The following NEDD4L variants were observed in gnomAD, a reference collection of about 807,000 sequenced individuals.
NEDD4L encodes the protein NEDD4 like E3 ubiquitin protein ligase.
In NEDD4L, 54 loss-of-function variants were observed where a neutral mutation model predicts 148.9. The observed-to-expected ratio is 0.36, with a 90% CI of 0.29 to 0.45. The LOEUF is 0.45. Among genes scored for constraint, NEDD4L ranks in the 20% least tolerant of loss-of-function variants. NEDD4L has a pLI of 1.00. For missense variants in NEDD4L, 856 were observed against 1,233.8 expected, an observed-to-expected ratio of 0.69 and a Z score of 4.59; for synonymous variants, 433 against 440.7, an observed-to-expected ratio of 0.98 and a Z score of 0.22.
intron 5 of NEDD4L, among the ~76,000 whole-genome samples, chr18:58,285,639 A>G (rs941064911): frequency 2.6e-5 from 4 of 152,262 alleles, no homozygotes; most frequent in African/African-American, 9.6e-5. Flanking sequence ...TAATCAAGGC[A>G]GCTTGAAACC....
chr18:58,176,857 T>TAAC (rs1459437517), intron 2 of NEDD4L, among the ~76,000 whole-genome samples: 2 of 152,232 alleles, frequency 1.3e-5, no homozygotes, highest in African/African-American at 4.8e-5. Flanking sequence ...ACTGAGTCTG[T>TAAC]AGGGCAGAGA....
At chr18:58,194,279 G>A (rs1490240537) in intron 2 of NEDD4L, among the ~76,000 whole-genome samples, 4 of 152,266 alleles carry the variant, frequency 2.6e-5, no homozygotes, top group South Asian at 4.1e-4. Context: ...ATGGTGATGC[G>A]GCCTCTTGGC....
At chr18:58,075,607 A>T (rs1206564140) in intron 1 of NEDD4L, among the ~76,000 whole-genome samples, 1 of 152,264 alleles carries the variant, frequency 6.6e-6, no homozygotes, top group African/African-American at 2.4e-5. Context: ...GAGCCACTGC[A>T]TCTAGCTGGG....
At chr18:58,376,837 CTG>C (rs1389836778) in intron 24 of NEDD4L, among the ~76,000 whole-genome samples, 1 of 152,244 alleles carries the variant, frequency 6.6e-6, no homozygotes, top group Non-Finnish European at 1.5e-5. Context: ...TCCAGACTCA[CTG>C]TGAATCACAG....
chr18:58,186,881 A>C (rs753731290), intron 2 of NEDD4L, among the ~76,000 whole-genome samples: 3 of 152,184 alleles, frequency 2.0e-5, no homozygotes, highest in Non-Finnish European at 2.9e-5. Context: ...ATTGGAATGA[A>C]AGCCAGAGCT....
intron 16 of NEDD4L, among the ~76,000 whole-genome samples, chr18:58,349,017 C>T (rs549015056): frequency 3.3e-5 from 5 of 152,274 alleles, no homozygotes; most frequent in South Asian, 4.1e-4. Context: ...GGAGTAGCCA[C>T]GTGACTTCAC....
intron 18 of NEDD4L, 138 bp downstream of exon 18, chr18:58,351,183 A>AT: frequency 6.6e-7 from 1 of 1,504,794 alleles, no homozygotes; most frequent in Non-Finnish European, 8.9e-7. Flanking sequence ...ATACCAGAGA[A>AT]TCAGTGCCTT....
At chr18:58,272,875 T>C (rs1568537527) in intron 5 of NEDD4L, among the ~76,000 whole-genome samples, 1 of 152,110 alleles carries the variant, frequency 6.6e-6, no homozygotes, top group Non-Finnish European at 1.5e-5. Context: ...TTTTCATGAA[T>C]GGTAGAGACA....
chr18:58,130,764 G>A (rs978991367), intron 1 of NEDD4L, among the ~76,000 whole-genome samples: 2 of 140,942 alleles, frequency 1.4e-5, no homozygotes, highest in African/African-American at 2.7e-5. Flanking sequence ...GTGATCTAGC[G>A]GAACTGTGGC....
At chr18:58,194,987 G>A (rs1231614404) in intron 2 of NEDD4L, among the ~76,000 whole-genome samples, 1 of 152,262 alleles carries the variant, frequency 6.6e-6, no homozygotes, top group Non-Finnish European at 1.5e-5. Context: ...GAAGCTAGTG[G>A]AGATGGGATC....
chr18:58,388,953 CTGT>C (rs1182988628), intron 27 of NEDD4L, 129 bp from the exon 28 acceptor site: 5 of 717,588 alleles, frequency 7.0e-6, no homozygotes, highest in South Asian at 1.6e-5. Context: ...CTGCCTTCCT[CTGT>C]TGTTATGATT....
intron 4 of NEDD4L, 126 bp from the exon 5 acceptor site, chr18:58,251,875 A>G: frequency 1.6e-6 from 1 of 632,808 alleles, no homozygotes; most frequent in South Asian, 2.0e-5. Flanking sequence ...GAACAGCAGG[A>G]TAATTGTTCA....
chr18:58,250,795 T>G (rs2047833303), intron 4 of NEDD4L, among the ~76,000 whole-genome samples: 1 of 152,190 alleles, frequency 6.6e-6, no homozygotes, highest in Non-Finnish European at 1.5e-5. Flanking sequence ...GAGAGAATCC[T>G]TACCTGCAAG....
At chr18:58,157,956 A>G (rs542307957) in intron 1 of NEDD4L, among the ~76,000 whole-genome samples, 350 of 152,358 alleles carry the variant, frequency 2.3e-3, no homozygotes, top group Non-Finnish European at 3.7e-3. Flanking sequence ...ATAAAGCAAC[A>G]GATATTTATT....
chr18:58,063,418 AAT>A (rs1292843328), intron 1 of NEDD4L, among the ~76,000 whole-genome samples: 1 of 152,046 alleles, frequency 6.6e-6, no homozygotes, highest in African/African-American at 2.4e-5. Flanking sequence ...TAAACATAAA[AAT>A]ACATGTTTTG....
intron 2 of NEDD4L, among the ~76,000 whole-genome samples, chr18:58,194,957 A>G (rs566172955): frequency 1.1e-4 from 17 of 152,366 alleles, no homozygotes; most frequent in Admixed American, 7.8e-4. Context: ...GCATAGGACA[A>G]GAAGCTTGCT....
intron 5 of NEDD4L, chr18:58,255,971 G>A (rs555471650): frequency 8.1e-7 from 1 of 1,230,844 alleles, no homozygotes; most frequent in Non-Finnish European, 1.0e-6. Flanking sequence ...CGGGCCGCCC[G>A]AGGGCGCCGA....
At chr18:58,321,243 G>T (rs72946443) in intron 6 of NEDD4L, among the ~76,000 whole-genome samples, 1,925 of 152,332 alleles carry the variant, frequency 0.013, 31 homozygotes, top group South Asian at 0.037. Flanking sequence ...ACGATAGGAT[G>T]GGGGGTGATA....
chr18:58,355,860 T>A (rs972673334), intron 18 of NEDD4L, among the ~76,000 whole-genome samples: 1 of 152,068 alleles, frequency 6.6e-6, no homozygotes, highest in African/African-American at 2.4e-5. Context: ...TAAGACTTTT[T>A]AAAATTCCTA....
Sources: allele counts gnomAD v4.1 joint callset (sites outside exome capture counted in the v4.1 genomes callset), GRCh38; gene constraint gnomAD v4.1.1; transcripts MANE v1.5; gene names NCBI Gene and HGNC (gene_info 2026-07-23, HGNC 2026-07-21).